Variants in MYO1D observed in about 807,000 individuals in gnomAD.
MYO1D encodes the protein unconventional myosin-Id.
MYO1D carries 83 observed loss-of-function variants against 122.0 expected under a neutral mutation model. That is an observed-to-expected ratio of 0.68 (90% CI 0.57 to 0.82). The LOEUF (loss-of-function observed/expected upper bound fraction) is 0.82, where lower values mean the gene tolerates loss of function less well. Ranked by LOEUF, MYO1D falls within the 40% of genes least tolerant of loss-of-function variation. The pLI is 0.00. For synonymous variants in MYO1D, 464 were observed against 446.9 expected (o/e 1.04, Z -0.48); for missense variants, 1,157 against 1,269.5 (o/e 0.91, Z 1.35).
At chr17:32,654,215 A>G (rs1052280170) in intron 18 of MYO1D, among the ~76,000 whole-genome samples, 1 of 152,214 alleles carries the variant, frequency 6.6e-6, no homozygotes, top group Non-Finnish European at 1.5e-5. Flanking sequence ...TCACTGAATG[A>G]TGTAAGGGAA....
chr17:32,797,263 C>T (rs886779530), intron 1 of MYO1D, among the ~76,000 whole-genome samples: 14 of 152,240 alleles, frequency 9.2e-5, no homozygotes, highest in Non-Finnish European at 2.1e-4. Flanking sequence ...GCCATCACAC[C>T]TGGCCTGCTG....
At chr17:32,750,514 C>G (rs1203836554) in intron 11 of MYO1D, among the ~76,000 whole-genome samples, 1 of 152,046 alleles carries the variant, frequency 6.6e-6, no homozygotes, top group Non-Finnish European at 1.5e-5. Flanking sequence ...ACTCGGGAGG[C>G]TGAGGCGGGA....
At chr17:32,842,206 A>G (rs2090889601) in intron 1 of MYO1D, among the ~76,000 whole-genome samples, 1 of 152,156 alleles carries the variant, frequency 6.6e-6, no homozygotes, top group African/African-American at 2.4e-5. Context: ...AAGACTGGGA[A>G]GACAGGGATA....
At chr17:32,653,746 T>C (rs2079333716) in intron 19 of MYO1D, 97 bp downstream of exon 19, 3 of 989,894 alleles carry the variant, frequency 3.0e-6, no homozygotes, top group Non-Finnish European at 4.7e-6. Flanking sequence ...AAGCTAGTTA[T>C]GTACCTACTG....
At position 32,781,677 on chromosome 17, in the gene MYO1D, T is replaced by C. The variant is rs540185566; in HGVS notation, c.96-893A>G. On this transcript the variant is annotated intron_variant, in intron 1 of 21. Transcript: ENST00000318217. ...ATTTTATACACACAGTAGGGTTATG[T>C]GGAAGGAGAGAAATAAAGAGGAAGG... Among the ~76,000 whole-genome samples the C allele has an allele frequency of 7.7e-3, 1,098 of 143,052 alleles. 7 individuals carry two copies. Among genetic ancestry groups the C allele is most frequent in the Non-Finnish European group, 0.013 (856 of 66,876 alleles). The allele number at this position is 143,052 out of a possible 152,430, so 93.8% of individuals were successfully genotyped here. A position where few individuals can be genotyped will look rare whatever the true frequency, so the allele number is the denominator to read the frequency against.
At chr17:32,678,608 ATAG>A (rs2088860849) in intron 16 of MYO1D, among the ~76,000 whole-genome samples, 1 of 151,406 alleles carries the variant, frequency 6.6e-6, no homozygotes, top group African/African-American at 2.4e-5. Flanking sequence ...TTATGGCTGC[ATAG>A]TATTCCATGG....
intron 1 of MYO1D, among the ~76,000 whole-genome samples, chr17:32,781,735 A>C (rs1163860507): frequency 2.6e-5 from 1 of 39,124 alleles, no homozygotes; most frequent in African/African-American, 9.9e-5. Flanking sequence ...GCCACAGGAC[A>C]AAAAAAAAAA....
At chr17:32,646,846 T>C (rs2729346) in intron 19 of MYO1D, among the ~76,000 whole-genome samples, 90,272 of 152,056 alleles carry the variant, frequency 0.59, 27,318 homozygotes, top group Middle Eastern at 0.68. Context: ...AAGCCTCAGA[T>C]TGCATAATTT....
chr17:32,627,548 T>C (rs1597948937), intron 20 of MYO1D, among the ~76,000 whole-genome samples: 1 of 152,122 alleles, frequency 6.6e-6, no homozygotes, highest in African/African-American at 2.4e-5. Flanking sequence ...ATAATTACAG[T>C]CCATTTACCT....
At chr17:32,774,231 C>T (rs1567635791) in intron 4 of MYO1D, among the ~76,000 whole-genome samples, 3 of 152,196 alleles carry the variant, frequency 2.0e-5, no homozygotes. Context: ...CGACCTCTCC[C>T]AAATCAGTTA....
intron 1 of MYO1D, among the ~76,000 whole-genome samples, chr17:32,848,185 T>C (rs563364960): frequency 3.9e-5 from 6 of 152,322 alleles, no homozygotes; most frequent in Admixed American, 1.3e-4. Context: ...CTATAAAACA[T>C]ATGATTAGGG....
chr17:32,652,284 A>T (rs2088402965), intron 19 of MYO1D, among the ~76,000 whole-genome samples: 1 of 152,200 alleles, frequency 6.6e-6, no homozygotes, highest in South Asian at 2.1e-4. Flanking sequence ...GGTTATTATC[A>T]ACACTTTAAA....
At chr17:32,632,576 T>TAC (rs2088026915) in intron 20 of MYO1D, 1 of 109,064 alleles carries the variant, frequency 9.2e-6, no homozygotes, top group African/African-American at 4.8e-5. Context: ...TATATATATA[T>TAC]ATATATATAT....
chr17:32,648,628 T>A (rs1466074750), intron 19 of MYO1D, among the ~76,000 whole-genome samples: 1 of 152,228 alleles, frequency 6.6e-6, no homozygotes, highest in Non-Finnish European at 1.5e-5. Context: ...CCATAGCCAA[T>A]GATTTCATCA....
At position 32,537,423 on chromosome 17, in the gene MYO1D, G is replaced by A. The variant is rs371749740; in HGVS notation, c.2865-42508C>T. 1.3e-4 allele frequency among the ~76,000 whole-genome samples: 20 copies of A among 152,272 alleles called. No homozygotes were observed. In the East Asian group the frequency reaches 3.5e-3, roughly 26 times the overall value. On this transcript the variant is annotated intron_variant, in intron 21 of 21. Transcript: ENST00000318217. ...ACTTGTTACAGGGACCATATGGTCT[G>A]CAAAGCCTAAGATATTTATTATCTG...
intron 21 of MYO1D, among the ~76,000 whole-genome samples, chr17:32,514,471 T>C (rs562341940): frequency 6.6e-6 from 1 of 152,282 alleles, no homozygotes; most frequent in South Asian, 2.1e-4. Flanking sequence ...GCAATCTTTA[T>C]CTGAAAATGT....
intron 1 of MYO1D, among the ~76,000 whole-genome samples, chr17:32,809,014 T>C (rs551908062): frequency 1.3e-5 from 2 of 152,134 alleles, no homozygotes; most frequent in African/African-American, 4.8e-5. Flanking sequence ...AATACACACA[T>C]GCACACACAT....
chr17:32,494,991 C>G, intron 21 of MYO1D, 76 bp from the exon 22 acceptor site: 1 of 1,455,860 alleles, frequency 6.9e-7, no homozygotes, highest in Non-Finnish European at 9.2e-7. Flanking sequence ...CAGCTCCCGG[C>G]CACCATTGGC....
In MYO1D at chr17:32,592,894, T is replaced by A. The variant is rs149917600; in HGVS notation, c.2864+12193A>T. 1.9e-3 allele frequency among the ~76,000 whole-genome samples: 295 copies of A among 152,344 alleles called. 1 individual carries two copies. Among genetic ancestry groups the A allele is most frequent in the African/African-American group, 6.7e-3 (279 of 41,574 alleles). On this transcript the variant is annotated intron_variant, in intron 21 of 21. Transcript: ENST00000318217. ...AACAAAACAATGTGAAACCATTTGTTTTTCTTGCCCAGTACCGTATCACTT... is the reference window on the plus strand; with the variant it reads ...AACAAAACAATGTGAAACCATTTGTATTTCTTGCCCAGTACCGTATCACTT...
Sources: allele counts gnomAD v4.1 joint callset (sites outside exome capture counted in the v4.1 genomes callset), GRCh38; gene constraint gnomAD v4.1.1; transcripts MANE v1.5; gene names NCBI Gene and HGNC (gene_info 2026-07-23, HGNC 2026-07-21).